Variants in MC2R observed in about 807,000 individuals in gnomAD.
MC2R encodes the protein melanocortin 2 receptor.
A neutral mutation model predicts 9.8 loss-of-function variants in MC2R; 9 were observed. The observed-to-expected ratio is 0.92, with a 90% CI of 0.55 to 1.60. MC2R has a LOEUF of 1.60. MC2R is among the 40% of genes most tolerant of loss of function. The pLI is 0.00. For synonymous variants in MC2R, 185 were observed against 154.7 expected (o/e 1.20, Z -1.45); for missense variants, 370 against 389.0 (o/e 0.95, Z 0.41).
rs760107296 is a variant in MC2R, at chr18:13,885,063, C to T, written c.456G>A (p.Thr152=). ...VTMRRTVVVL[T]VIWTFCTGTG... ...TCCCCGTGCAGAACGTCCAGATGAC[C>T]GTAAGCACCACCACAGTGCGGCGCA... Residue 152 remains threonine (T), a synonymous_variant, in exon 2 of 2, where the codon ACG becomes ACA. Transcript: ENST00000327606. The T allele has an allele frequency of 8.7e-6, 14 of 1,614,016 alleles. No homozygotes were observed. The highest frequency in any genetic ancestry group is 6.7e-5 in the Admixed American group (4 of 60,004).
intron 1 of MC2R, among the ~76,000 whole-genome samples, chr18:13,909,557 A>G (rs910173989): frequency 3.9e-5 from 6 of 152,098 alleles, no homozygotes; most frequent in East Asian, 1.9e-4. Flanking sequence ...ATCCTTCCCT[A>G]TTTATTTATT....
chr18:13,893,353 C>A (rs2045328251), intron 1 of MC2R, among the ~76,000 whole-genome samples: 3 of 152,110 alleles, frequency 2.0e-5, no homozygotes, highest in African/African-American at 7.2e-5. Flanking sequence ...ACCACTGTGC[C>A]TTTTGGTTTT....
At chr18:13,908,250 T>C (rs923774342) in intron 1 of MC2R, among the ~76,000 whole-genome samples, 2 of 152,204 alleles carry the variant, frequency 1.3e-5, no homozygotes, top group African/African-American at 2.4e-5. Flanking sequence ...GAGGCCATTA[T>C]GTTAAGTGAA....
intron 1 of MC2R, among the ~76,000 whole-genome samples, chr18:13,910,058 A>AT (rs1278659510): frequency 2.0e-5 from 3 of 152,146 alleles, no homozygotes; most frequent in Admixed American, 2.0e-4. Flanking sequence ...TGTAATTTTC[A>AT]TTTAGGTCTA....
intron 1 of MC2R, among the ~76,000 whole-genome samples, chr18:13,898,668 AAG>A (rs565627855): frequency 5.6e-4 from 86 of 152,260 alleles, no homozygotes; most frequent in African/African-American, 2.0e-3. Context: ...GGTGGCTCAG[AAG>A]AGAGAGAGAG....
rs2045242181 is a variant in MC2R at position 13,882,951 on chromosome 18, C to T, written c.*1674G>A. ...CTACAGAACAGAGGACAAGAAGGTG[C>T]ACCTTTCACCTCCATCTGTGGGACA... On this transcript the variant is annotated 3_prime_UTR_variant, in exon 2 of 2. Transcript: ENST00000327606. 2 of 152,218 alleles carry T rather than the reference C, an allele frequency of 1.3e-5. No homozygotes were observed. Among genetic ancestry groups the T allele is most frequent in the Admixed American group, 1.3e-4 (2 of 15,284 alleles). The allele number at this position is 152,218 out of a possible 1,614,324, so 9.4% of individuals were successfully genotyped here.
intron 1 of MC2R, among the ~76,000 whole-genome samples, chr18:13,887,675 G>A (rs916441271): frequency 4.6e-5 from 7 of 152,206 alleles, no homozygotes; most frequent in Non-Finnish European, 8.8e-5. Context: ...GAAAGCCTGA[G>A]GATAACAGAC....
chr18:13,911,675 C>T (rs11873799), intron 1 of MC2R, among the ~76,000 whole-genome samples: 2,200 of 152,196 alleles, frequency 0.014, 49 homozygotes, highest in African/African-American at 0.049. Context: ...ACTGGCTTTG[C>T]GCCATCTATG....
chr18:13,896,680 T>C (rs552111708), intron 1 of MC2R, among the ~76,000 whole-genome samples: 1 of 152,324 alleles, frequency 6.6e-6, no homozygotes, highest in East Asian at 1.9e-4. Context: ...TATCACTAAA[T>C]ATCTGGAGCA....
intron 1 of MC2R, among the ~76,000 whole-genome samples, chr18:13,911,064 C>G (rs975177654): frequency 2.6e-5 from 4 of 152,238 alleles, no homozygotes; most frequent in African/African-American, 9.6e-5. Context: ...GCAGGGAACA[C>G]AGGCAGGTGC....
chr18:13,901,071 A>T (rs1474663777), intron 1 of MC2R, among the ~76,000 whole-genome samples: 2 of 152,216 alleles, frequency 1.3e-5, no homozygotes, highest in Admixed American at 1.3e-4. Flanking sequence ...AATGGAATAA[A>T]ACTAGAAGTT....
chr18:13,892,839 CA>C lies in MC2R; in HGVS notation c.-128-7194del, dbSNP rs1567898246. 3.8e-4 allele frequency among the ~76,000 whole-genome samples: 55 copies of C among 143,272 alleles called. No homozygotes were observed. In the East Asian group the frequency reaches 6.0e-3, roughly 16 times the overall value. The allele number at this position is 143,272 out of a possible 152,430, so 94.0% of individuals were successfully genotyped here. ...ACACACACACACACACACACACACA[CA>C]CACACACCACACACACACATCTGTT... On this transcript the variant is annotated intron_variant, in intron 1 of 1. Transcript: ENST00000327606.
At chr18:13,892,787 G>A (rs916664882) in intron 1 of MC2R, among the ~76,000 whole-genome samples, 1 of 146,586 alleles carries the variant, frequency 6.8e-6, no homozygotes, top group Admixed American at 7.1e-5. Context: ...AATAGAGATG[G>A]AGATAGACAT....
rs1460033434 is a variant in MC2R at position 13,883,607 on chromosome 18, ACACACACACACACACACACACTCTCT to A, written c.*992_*1017del. On this transcript the variant is annotated 3_prime_UTR_variant, in exon 2 of 2. Transcript: ENST00000327606. ...CACACACACACACACACACACACAC[ACACACACACACACACACACACTCTCT>A]CTCTCTCTCTCTCTCTCTCTCTCTG... The A allele has an allele frequency of 9.7e-6, 1 of 102,978 alleles. No individual in the cohort carries two copies. The highest frequency in any genetic ancestry group is 3.2e-4 in the South Asian group (1 of 3,152). The allele number at this position is 102,978 out of a possible 1,614,324, so 6.4% of individuals were successfully genotyped here.
rs104894659 is a variant in MC2R, at chr18:13,884,918, G to T, written c.601C>A (p.Arg201=). Reference sequence around the variant, plus strand: ...GTGGAGATCTTCCTGGTGTGGGATCGAGCCAGCAGGAACATGTGCACATAG... The same window carrying T: ...GTGGAGATCTTCCTGGTGTGGGATCTAGCCAGCAGGAACATGTGCACATAG... The part of the protein sequence containing the change: ...CLYVHMFLLA[R]SHTRKISTLP... The change falls in exon 2 of 2, where the codon CGA becomes AGA. Residue 201 remains arginine (R), a synonymous_variant. Transcript: ENST00000327606. 3.7e-5 allele frequency: 60 copies of T among 1,613,640 alleles called. No homozygotes were observed. Among genetic ancestry groups the T allele is most frequent in the Non-Finnish European group, 4.7e-5 (55 of 1,179,994 alleles).
At chr18:13,900,099 T>G (rs2045370000) in intron 1 of MC2R, among the ~76,000 whole-genome samples, 1 of 152,130 alleles carries the variant, frequency 6.6e-6, no homozygotes, top group Non-Finnish European at 1.5e-5. Flanking sequence ...AACAGAAAGT[T>G]AAAAAGTGGG....
chr18:13,886,641 G>A (rs374307241), intron 1 of MC2R, among the ~76,000 whole-genome samples: 1 of 152,222 alleles, frequency 6.6e-6, no homozygotes, highest in African/African-American at 2.4e-5. Context: ...ACTATACAAT[G>A]AGCGTCAGCA....
intron 1 of MC2R, among the ~76,000 whole-genome samples, chr18:13,909,731 G>A (rs1043794555): frequency 2.6e-5 from 4 of 152,100 alleles, no homozygotes; most frequent in African/African-American, 9.7e-5. Context: ...GACCTGCATC[G>A]CTGTGGCTTT....
intron 1 of MC2R, among the ~76,000 whole-genome samples, chr18:13,903,360 G>A (rs956669993): frequency 5.9e-5 from 9 of 152,166 alleles, no homozygotes; most frequent in Non-Finnish European, 2.9e-5. Context: ...CCAAAGGGAA[G>A]GAAATCAGCA....
Sources: gnomAD v4.1 joint callset for allele counts (sites outside exome capture counted in the v4.1 genomes callset) on GRCh38, gnomAD v4.1.1 for gene constraint, MANE v1.5 for transcripts, NCBI Gene and HGNC (gene_info 2026-07-23, HGNC 2026-07-21) for gene names.